The following TACR3 variants were observed in gnomAD, a reference collection of about 807,000 sequenced individuals.
TACR3 encodes the protein neuromedin-K receptor.
TACR3 carries 34 observed loss-of-function variants against 35.0 expected under a neutral mutation model. That is an observed-to-expected ratio of 0.97 (90% CI 0.74 to 1.30). The LOEUF (loss-of-function observed/expected upper bound fraction) is 1.30. Ranked by LOEUF, TACR3 falls within the 50% of genes most tolerant of loss-of-function variation. The pLI, the probability that TACR3 is intolerant of heterozygous loss-of-function variation, is 0.00. For synonymous variants in TACR3, 233 were observed against 221.1 expected (o/e 1.05, Z -0.48); for missense variants, 558 against 591.7 (o/e 0.94, Z 0.59).
chr4:103,680,256 T>C (rs1165591031), intron 1 of TACR3, among the ~76,000 whole-genome samples: 1 of 151,492 alleles, frequency 6.6e-6, no homozygotes, highest in Non-Finnish European at 1.5e-5. Context: ...AACTAACCAA[T>C]TGAAGCAGCA....
intron 1 of TACR3, among the ~76,000 whole-genome samples, chr4:103,690,713 G>C (rs1323201756): frequency 6.6e-6 from 1 of 152,064 alleles, no homozygotes; most frequent in Non-Finnish European, 1.5e-5. Flanking sequence ...CTCCAGGATA[G>C]GCTTGTCTAG....
intron 3 of TACR3, among the ~76,000 whole-genome samples, chr4:103,596,861 T>C: frequency 6.6e-6 from 1 of 152,014 alleles, no homozygotes; most frequent in African/African-American, 2.4e-5. Flanking sequence ...GTTTGGTTTT[T>C]TGTCCTTGCG....
intron 2 of TACR3, 83 bp from the exon 3 acceptor site, chr4:103,656,427 A>G: frequency 7.6e-7 from 1 of 1,315,246 alleles, no homozygotes; most frequent in Admixed American, 1.8e-5. Flanking sequence ...TTTAAATCAT[A>G]ATTAAAACTA....
At chr4:103,617,603 A>C (rs1428764231) in intron 3 of TACR3, among the ~76,000 whole-genome samples, 2 of 152,174 alleles carry the variant, frequency 1.3e-5, no homozygotes, top group Non-Finnish European at 2.9e-5. Flanking sequence ...GCAACTCATA[A>C]ACATAAGAAT....
At chr4:103,613,395 C>A (rs1724555930) in intron 3 of TACR3, among the ~76,000 whole-genome samples, 1 of 152,148 alleles carries the variant, frequency 6.6e-6, no homozygotes, top group South Asian at 2.1e-4. Context: ...ATCTTGCTCA[C>A]TGCAACCTCT....
intron 3 of TACR3, 132 bp downstream of exon 3, chr4:103,656,062 A>G (rs1304569602): frequency 8.5e-7 from 1 of 1,172,576 alleles, no homozygotes; most frequent in Non-Finnish European, 1.2e-6. Flanking sequence ...AAGAAAAAAA[A>G]TTAAAACAAA....
chr4:103,621,833 G>A (rs528490094), intron 3 of TACR3, among the ~76,000 whole-genome samples: 2 of 152,132 alleles, frequency 1.3e-5, no homozygotes, highest in Non-Finnish European at 2.9e-5. Context: ...CTCAAGCTCA[G>A]GGCCTAAACC....
intron 1 of TACR3, among the ~76,000 whole-genome samples, chr4:103,672,157 C>T (rs1042856124): frequency 6.6e-6 from 1 of 152,230 alleles, no homozygotes; most frequent in Admixed American, 6.5e-5. Flanking sequence ...TCTTCAGGCT[C>T]CACATTCTTG....
At chr4:103,693,000 T>C (rs1435622729) in intron 1 of TACR3, among the ~76,000 whole-genome samples, 14 of 152,208 alleles carry the variant, frequency 9.2e-5, no homozygotes, top group Admixed American at 9.2e-4. Flanking sequence ...ATGTATACTT[T>C]TGAAATACAG....
intron 3 of TACR3, among the ~76,000 whole-genome samples, chr4:103,626,599 A>G (rs946520194): frequency 4.6e-5 from 7 of 152,004 alleles, no homozygotes; most frequent in Admixed American, 4.6e-4. Flanking sequence ...TGTTAACTGC[A>G]CCTCTCTAGT....
At chr4:103,712,550 G>A (rs1722993854) in intron 1 of TACR3, among the ~76,000 whole-genome samples, 1 of 152,162 alleles carries the variant, frequency 6.6e-6, no homozygotes, top group Non-Finnish European at 1.5e-5. Context: ...ATACCATTCA[G>A]GTCATAGGCA....
intron 1 of TACR3, among the ~76,000 whole-genome samples, chr4:103,700,298 G>T (rs967530723): frequency 6.6e-6 from 1 of 152,046 alleles, no homozygotes; most frequent in African/African-American, 2.4e-5. Flanking sequence ...ACAGGCTCTA[G>T]AACACAACTG....
In TACR3 at chr4:103,680,528, T is replaced by C. The variant is rs547741853; in HGVS notation, c.549-22125A>G. On this transcript the variant is annotated intron_variant, in intron 1 of 4. Coordinates refer to ENST00000304883, the MANE Select transcript of TACR3 (RefSeq NM_001059.3). Reference sequence around the variant, plus strand: ...ACACACACACATATATATATACACATATATATACATATATATACACATATA... The same window carrying C: ...ACACACACACATATATATATACACACATATATACATATATATACACATATA... Among the ~76,000 whole-genome samples, 1,200 of 145,626 alleles carry C rather than the reference T, an allele frequency of 8.2e-3. 19 individuals carry two copies. The highest frequency in any genetic ancestry group is 0.029 in the African/African-American group (1,148 of 39,414).
At chr4:103,673,967 TTTA>T (rs1433294529) in intron 1 of TACR3, among the ~76,000 whole-genome samples, 2 of 152,214 alleles carry the variant, frequency 1.3e-5, no homozygotes, top group African/African-American at 4.8e-5. Context: ...TATTTCATTT[TTTA>T]TAAGAGAATG....
intron 3 of TACR3, among the ~76,000 whole-genome samples, chr4:103,645,974 A>C (rs1725448032): frequency 6.6e-6 from 1 of 152,036 alleles, no homozygotes; most frequent in African/African-American, 2.4e-5. Context: ...GCCAAGGCAC[A>C]GCATGCAAAA....
At chr4:103,601,159 T>C (rs931710770) in intron 3 of TACR3, among the ~76,000 whole-genome samples, 3 of 152,188 alleles carry the variant, frequency 2.0e-5, no homozygotes, top group African/African-American at 7.2e-5. Flanking sequence ...GGTGTATATA[T>C]ATTTAGGATA....
intron 1 of TACR3, among the ~76,000 whole-genome samples, chr4:103,698,053 A>G (rs1722564572): frequency 6.6e-6 from 1 of 152,194 alleles, no homozygotes; most frequent in African/African-American, 2.4e-5. Flanking sequence ...CTGAAATACT[A>G]CTGTCTTCAA....
intron 2 of TACR3, among the ~76,000 whole-genome samples, chr4:103,657,576 A>T (rs946190442): frequency 4.6e-5 from 7 of 152,106 alleles, no homozygotes; most frequent in African/African-American, 1.7e-4. Context: ...TAGAAAAATA[A>T]GTACATTATT....
At chr4:103,609,575 T>C (rs185489325) in intron 3 of TACR3, among the ~76,000 whole-genome samples, 14 of 152,252 alleles carry the variant, frequency 9.2e-5, no homozygotes, top group Non-Finnish European at 8.8e-5. Flanking sequence ...ACAGAATACT[T>C]ATCTCAAACA....
Sources: gnomAD v4.1 joint callset for allele counts (sites outside exome capture counted in the v4.1 genomes callset) on GRCh38, gnomAD v4.1.1 for gene constraint, MANE v1.5 for transcripts, NCBI Gene and HGNC (gene_info 2026-07-23, HGNC 2026-07-21) for gene names.